Variants in ARSG observed in about 807,000 individuals in gnomAD.
ARSG encodes the protein ASG.
In ARSG, 37 loss-of-function variants were observed where a neutral mutation model predicts 50.5. That is an observed-to-expected ratio of 0.73 (90% CI 0.56 to 0.96). The LOEUF (loss-of-function observed/expected upper bound fraction) is 0.96, where lower values mean the gene tolerates loss of function less well. Among genes scored for constraint, ARSG ranks in the 50% least tolerant of loss-of-function variants. ARSG has a pLI of 0.00. For synonymous variants in ARSG, 225 were observed against 254.6 expected, an observed-to-expected ratio of 0.88 and a Z score of 1.11; for missense variants, 629 against 675.3, an observed-to-expected ratio of 0.93 and a Z score of 0.76.
chr17:68,356,787 G>T lies in ARSG; in HGVS notation c.687G>T (p.Gln229His). The part of the protein sequence containing the change: ...LAQKYAEKAT[Q>H]FIQRASTSGR... ...AGAAGTATGCTGAGAAAGCAACCCAGTTCATCCAGCGTGCAAGGTGAGGAG... is the reference window on the plus strand; with the variant it reads ...AGAAGTATGCTGAGAAAGCAACCCATTTCATCCAGCGTGCAAGGTGAGGAG... Residue 229 changes from glutamine (Q) to histidine (H), a missense_variant, in exon 6 of 12, where the codon CAG becomes CAT. Coordinates refer to ENST00000621439, the MANE Select transcript of ARSG (RefSeq NM_001267727.2). 4 of 1,614,170 alleles carry T rather than the reference G, an allele frequency of 2.5e-6. No individual in the cohort carries two copies. Among genetic ancestry groups the T allele is most frequent in the Non-Finnish European group, 3.4e-6 (4 of 1,180,024 alleles).
At chr17:68,326,487 A>C (rs1025605164) in intron 2 of ARSG, among the ~76,000 whole-genome samples, 5 of 152,220 alleles carry the variant, frequency 3.3e-5, no homozygotes, top group Non-Finnish European at 5.9e-5. Flanking sequence ...CAAGATGGTG[A>C]AACTCCGTCT....
chr17:68,304,159 A>G (rs918168826), intron 1 of ARSG, among the ~76,000 whole-genome samples: 1 of 152,244 alleles, frequency 6.6e-6, no homozygotes, highest in African/African-American at 2.4e-5. Context: ...TAGTGTTCCA[A>G]GCTAAGAAGC....
intron 2 of ARSG, among the ~76,000 whole-genome samples, chr17:68,326,815 C>A (rs2077523830): frequency 6.6e-6 from 1 of 152,148 alleles, no homozygotes; most frequent in Non-Finnish European, 1.5e-5. Flanking sequence ...TTGTGTCACA[C>A]CTGGAAACTA....
At chr17:68,275,455 T>C in intron 1 of ARSG, among the ~76,000 whole-genome samples, 1 of 152,204 alleles carries the variant, frequency 6.6e-6, no homozygotes, top group Non-Finnish European at 1.5e-5. Flanking sequence ...TGAGCCAGGA[T>C]GTTGGCTCAA....
intron 9 of ARSG, among the ~76,000 whole-genome samples, chr17:68,392,569 G>A (rs931757499): frequency 7.2e-5 from 11 of 152,036 alleles, no homozygotes; most frequent in Non-Finnish European, 1.0e-4. Flanking sequence ...GTGCAATCTC[G>A]GCTCACTGCA....
chr17:68,306,317 C>T (rs934182571), intron 1 of ARSG, among the ~76,000 whole-genome samples: 1 of 151,890 alleles, frequency 6.6e-6, no homozygotes, highest in Non-Finnish European at 1.5e-5. Context: ...TTCTTGAACC[C>T]GGGAGGCGGA....
chr17:68,347,226 G>A (rs932467893), intron 4 of ARSG, 54 bp downstream of exon 4: 20 of 1,575,160 alleles, frequency 1.3e-5, no homozygotes, highest in African/African-American at 4.0e-5. Flanking sequence ...AAAGGTCTCT[G>A]TGTAAGACTC....
At chr17:68,419,918 T>C (rs2082656094) in intron 11 of ARSG, among the ~76,000 whole-genome samples, 1 of 151,984 alleles carries the variant, frequency 6.6e-6, no homozygotes, top group Admixed American at 6.6e-5. Flanking sequence ...AGGATCACGC[T>C]ACTGCATTCC....
intron 11 of ARSG, among the ~76,000 whole-genome samples, chr17:68,408,004 T>C (rs2081809839): frequency 6.6e-6 from 1 of 150,866 alleles, no homozygotes; most frequent in African/African-American, 2.5e-5. Flanking sequence ...ATGTTGGCTG[T>C]GGGTTTCTTT....
chr17:68,375,694 G>A (rs1005846885), intron 8 of ARSG, among the ~76,000 whole-genome samples: 1 of 152,176 alleles, frequency 6.6e-6, no homozygotes, highest in Non-Finnish European at 1.5e-5. Flanking sequence ...TTTGAAGAAT[G>A]AGTAGGAGAC....
At chr17:68,431,189 A>G in the ARSG span, among the ~76,000 whole-genome samples, 1 of 152,186 alleles carries the variant, frequency 6.6e-6, no homozygotes, top group Non-Finnish European at 1.5e-5. Context: ...GTGAGCAGTT[A>G]ATATGCGGTG....
the ARSG span, among the ~76,000 whole-genome samples, chr17:68,434,089 G>A: frequency 4.6e-5 from 7 of 152,168 alleles, no homozygotes; most frequent in African/African-American, 1.7e-4. Flanking sequence ...ATTTATGTGA[G>A]AAGAAACAAG....
chr17:68,407,111 G>A (rs147561015), intron 11 of ARSG, among the ~76,000 whole-genome samples: 2,573 of 152,184 alleles, frequency 0.017, 79 homozygotes, highest in African/African-American at 0.059. Context: ...TCCCAGCACC[G>A]TTTGTTGAAA....
intron 11 of ARSG, among the ~76,000 whole-genome samples, chr17:68,406,405 A>C (rs998966023): frequency 6.6e-6 from 1 of 152,254 alleles, no homozygotes; most frequent in South Asian, 2.1e-4. Context: ...GTAGATACCC[A>C]GTAGTGGGAT....
At chr17:68,393,015 T>A (rs2081069370) in intron 9 of ARSG, among the ~76,000 whole-genome samples, 1 of 152,162 alleles carries the variant, frequency 6.6e-6, no homozygotes, top group South Asian at 2.1e-4. Flanking sequence ...ACGCCTCAGT[T>A]CTTAGGTGGG....
chr17:68,414,770 A>AT (rs1035365512), intron 11 of ARSG, among the ~76,000 whole-genome samples: 5 of 152,030 alleles, frequency 3.3e-5, no homozygotes, highest in African/African-American at 1.2e-4. Context: ...GGAGGGTTGT[A>AT]TTTTTCCAGG....
chr17:68,283,452 C>T (rs1413540170), intron 1 of ARSG, among the ~76,000 whole-genome samples: 1 of 149,072 alleles, frequency 6.7e-6, no homozygotes, highest in African/African-American at 2.5e-5. Flanking sequence ...ACCCGGGAGG[C>T]GGAGCTTGCA....
chr17:68,291,481 C>G (rs2075986988), upstream of ARSG: 6 of 150,688 alleles, frequency 4.0e-5, no homozygotes, highest in Admixed American at 1.3e-4. Context: ...AGGGGGCCTG[C>G]CTGGCGCGCG....
At chr17:68,412,873 A>C (rs1413282819) in intron 11 of ARSG, among the ~76,000 whole-genome samples, 1 of 151,878 alleles carries the variant, frequency 6.6e-6, no homozygotes, top group Non-Finnish European at 1.5e-5. Flanking sequence ...CATTCATTTC[A>C]TCTTCCATCG....
Sources: gnomAD v4.1 joint callset for allele counts (sites outside exome capture counted in the v4.1 genomes callset) on GRCh38, gnomAD v4.1.1 for gene constraint, MANE v1.5 for transcripts, NCBI Gene and HGNC (gene_info 2026-07-23, HGNC 2026-07-21) for gene names.